The following LAMA5 variants were observed in gnomAD, a reference collection of about 807,000 sequenced individuals.
LAMA5 encodes laminin subunit alpha 5.
In LAMA5, 260 loss-of-function variants were observed where a neutral mutation model predicts 433.4. The ratio of observed to expected loss-of-function variants is 0.60; its 90% CI spans 0.54 to 0.66. LAMA5 has a LOEUF of 0.66. Ranked by LOEUF, LAMA5 falls within the 30% of genes least tolerant of loss-of-function variation. The pLI, the probability that LAMA5 is intolerant of heterozygous loss-of-function variation, is 0.00. For missense variants in LAMA5, 5,378 were observed against 5,258.5 expected, an observed-to-expected ratio of 1.02 and a Z score of -0.70; for synonymous variants, 2,620 against 2,226.6, an observed-to-expected ratio of 1.18 and a Z score of -4.97.
chr20:62,346,096 A>T lies in LAMA5; in HGVS notation c.1402T>A (p.Phe468Ile), dbSNP rs772967505. ...CDVCAEGFTG[F>I]PSCYPTPSSS... Reference sequence around the variant, plus strand: ...AGGTGCTCACGGTAGCAGCTTGGGAAGCCCGTGAAGCCCTCGGCACACACG... The same window carrying T: ...AGGTGCTCACGGTAGCAGCTTGGGATGCCCGTGAAGCCCTCGGCACACACG... The change falls in exon 10 of 80, where the codon TTC becomes ATC. Residue 468 changes from phenylalanine to isoleucine, a missense_variant. Phe to Ile is a conservative substitution (Grantham distance 21). Transcript: ENST00000252999. 6.2e-7 allele frequency: 1 copy of T among 1,613,010 alleles called. No homozygotes were observed. Among genetic ancestry groups the T allele is most frequent in the Admixed American group, 1.7e-5 (1 of 60,016 alleles).
At chr20:62,313,285 G>T in intron 64 of LAMA5, 35 bp from the exon 65 acceptor site, 1 of 1,537,164 alleles carries the variant, frequency 6.5e-7, no homozygotes, top group Non-Finnish European at 8.8e-7. Context: ...AGCGGAGGGT[G>T]GGGTGGGGTG....
chr20:62,321,664 GGGGGTGGGGTCAGTGGA>G (rs1234388851), intron 48 of LAMA5, among the ~76,000 whole-genome samples: 116 of 98,022 alleles, frequency 1.2e-3, no homozygotes, highest in African/African-American at 4.9e-3. Context: ...TGGGGCCAAT[GGGGGTGGGGTCAGTGGA>G]GGGGTGGGGT....
At position 62,333,631 on chromosome 20, in the gene LAMA5, A is replaced by T; in HGVS notation, c.2954T>A (p.Phe985Tyr). ...AGGGTTCAGCACAAAGGGCTCTCCG[A>T]AGCCCCTCTGGGGCACGGTGATGAA... is the stretch of plus-strand genomic sequence containing the variant. ...PAFITVPQRG[F>Y]GEPFVLNPGT... is the part of the protein sequence containing the mutation. Residue 985 changes from phenylalanine (F) to tyrosine (Y), a missense_variant, in exon 24 of 80, where the codon TTC becomes TAC. Physicochemically the swap from Phe to Tyr is conservative, Grantham distance 22 (BLOSUM62 3). Transcript: ENST00000252999. 3 of 1,585,616 alleles carry T rather than the reference A, an allele frequency of 1.9e-6. No individual in the cohort carries two copies. The highest frequency in any genetic ancestry group is 1.7e-6 in the Non-Finnish European group (2 of 1,167,090).
intron 32 of LAMA5, among the ~76,000 whole-genome samples, chr20:62,329,517 C>G (rs1186163573): frequency 1.3e-5 from 2 of 152,212 alleles, no homozygotes; most frequent in African/African-American, 4.8e-5. Context: ...CCACGCCTTC[C>G]TCTTCCCTCT....
chr20:62,362,693 G>C, intron 1 of LAMA5, 141 bp from the exon 2 acceptor site: 1 of 679,884 alleles, frequency 1.5e-6, no homozygotes, highest in Non-Finnish European at 2.2e-6. Flanking sequence ...TCATCCACTT[G>C]CTCAGCAAAC....
rs200649612 is a variant in LAMA5 at position 62,317,483 on chromosome 20, G to A, written c.7373C>T (p.Ala2458Val). The stretch of plus-strand genomic sequence containing the variant: ...GGTCCGAGCCCCATCCAGGCTGGCG[G>A]CGAGGCGCTCCAGCTCCTGGAATTT... ...DQAKEELERL[A>V]ASLDGARTPL... The change falls in exon 55 of 80, where the codon GCC becomes GTC. Residue 2458 changes from alanine (A) to valine (V), a missense_variant. Physicochemically the swap from Ala to Val is moderately conservative, Grantham distance 64 (BLOSUM62 0). Coordinates refer to ENST00000252999, the MANE Select transcript of LAMA5 (RefSeq NM_005560.6). The A allele has an allele frequency of 2.0e-4, 311 of 1,549,998 alleles. No individual in the cohort carries two copies. The highest frequency in any genetic ancestry group is 2.5e-4 in the Non-Finnish European group (285 of 1,145,324).
chr20:62,337,210 A>G (rs1043977130), intron 16 of LAMA5, among the ~76,000 whole-genome samples: 1 of 141,934 alleles, frequency 7.0e-6, no homozygotes, highest in African/African-American at 2.6e-5. Flanking sequence ...GCACCCACTT[A>G]TGCGACACGC....
At chr20:62,325,622 A>T in intron 40 of LAMA5, 76 bp from the exon 41 acceptor site, 2 of 935,236 alleles carry the variant, frequency 2.1e-6, no homozygotes, top group Non-Finnish European at 3.2e-6. Flanking sequence ...AGACCCCCCA[A>T]CCCTGTAGGG....
Position 62,336,786 on chromosome 20 carries a change from G to A in LAMA5, c.2165C>T (p.Ala722Val), listed in dbSNP as rs1310818722. 3 of 1,612,464 alleles carry A rather than the reference G, an allele frequency of 1.9e-6. No individual in the cohort carries two copies. Among genetic ancestry groups the A allele is most frequent in the East Asian group, 2.2e-5 (1 of 44,896 alleles). ...CAGACCGGCAGGGTGGCAAGAGCCA[G>A]CTGTGAAGAGAGGACCATGCCTCGG... ...PGAYNFPYCE[A>V]GSCHPAGLAP... The change falls in exon 17 of 80, where the codon GCT becomes GTT. Residue 722 changes from alanine to valine, a missense_variant and splice_region_variant. Coordinates refer to ENST00000252999, the MANE Select transcript of LAMA5 (RefSeq NM_005560.6).
At position 62,320,856 on chromosome 20, in the gene LAMA5, G is replaced by T. The variant is rs200144783; in HGVS notation, c.6531C>A (p.Asp2177Glu). 6.2e-7 allele frequency: 1 copy of T among 1,612,178 alleles called. No individual in the cohort carries two copies. The highest frequency in any genetic ancestry group is 2.2e-5 in the East Asian group (1 of 44,850). ...CDHCVVLLLD[D>E]LERAGALLPA... The stretch of plus-strand genomic sequence containing the variant: ...GGAGGAGGGCGCCGGCCCGTTCCAG[G>T]TCATCCAGGAGCAGGACCACACAGT... The change falls in exon 49 of 80, where the codon GAC (aspartate) becomes GAA (glutamate). Residue 2177 changes from aspartate to glutamate, a missense_variant. By Grantham distance (45) the Asp-to-Glu change is conservative. Coordinates refer to ENST00000252999, the MANE Select transcript of LAMA5 (RefSeq NM_005560.6).
Position 62,315,024 on chromosome 20 carries a change from G to C in LAMA5, c.8047+4C>G. 6.3e-7 allele frequency: 1 copy of C among 1,586,850 alleles called. No individual in the cohort carries two copies. Among genetic ancestry groups the C allele is most frequent in the South Asian group, 1.1e-5 (1 of 89,164 alleles). On this transcript the variant is annotated splice_donor_region_variant and intron_variant, in intron 59 of 79. Transcript: ENST00000252999. ...CAGGGGCACCGCGAGGGCCATGGGC[G>C]CACCTGAGTGGCCTGCGTCAAGCAC...
At position 62,334,004 on chromosome 20, in the gene LAMA5, A is replaced by T. The variant is rs13038331; in HGVS notation, c.2775T>A (p.Pro925=). 6.2e-7 allele frequency: 1 copy of T among 1,612,810 alleles called. No individual in the cohort carries two copies. Residue 925 remains proline, a synonymous_variant, in exon 23 of 80, where the codon CCT becomes CCA. Transcript: ENST00000252999. The stretch of plus-strand genomic sequence containing the variant: ...ATCGGAAGACGAGCCAGAAAAGGTC[A>T]GGGGAGGTCAGGTTCAGCCTGGCCA... ...RIVARLNLTS[P]DLFWLVFRYV...
chr20:62,354,672 C>T (rs1215388469), intron 2 of LAMA5, among the ~76,000 whole-genome samples: 2 of 152,116 alleles, frequency 1.3e-5, no homozygotes, highest in Non-Finnish European at 2.9e-5. Context: ...CCAAGCAGCA[C>T]CCCGCCTTCA....
At chr20:62,328,575 C>G in intron 34 of LAMA5, 130 bp from the exon 35 acceptor site, 3 of 1,009,684 alleles carry the variant, frequency 3.0e-6, no homozygotes, top group South Asian at 3.5e-5. Flanking sequence ...ACCCCTGCCC[C>G]GGGTGCTGAG....
At position 62,346,080 on chromosome 20, in the gene LAMA5, C is replaced by T. The variant is rs112620160; in HGVS notation, c.1417+1G>A. The T allele has an allele frequency of 3.1e-6, 5 of 1,612,934 alleles. No homozygotes were observed. Among genetic ancestry groups the T allele is most frequent in the Admixed American group, 3.3e-5 (2 of 60,008 alleles). On this transcript the variant is annotated splice_donor_variant, in intron 10 of 79. Coordinates refer to ENST00000252999, the MANE Select transcript of LAMA5 (RefSeq NM_005560.6). LOFTEE classifies it high-confidence loss of function. ...TTTGGATGCCCCTGGCAGGTGCTCA[C>T]GGTAGCAGCTTGGGAAGCCCGTGAA...
intron 2 of LAMA5, chr20:62,353,478 C>T (rs1378563451): frequency 2.0e-6 from 1 of 496,652 alleles, no homozygotes; most frequent in Non-Finnish European, 3.6e-6. Context: ...TGGAAGGGCT[C>T]CCCGCCTGGG....
intron 1 of LAMA5, among the ~76,000 whole-genome samples, chr20:62,365,633 C>T (rs574695590): frequency 2.6e-4 from 40 of 152,290 alleles, no homozygotes; most frequent in Non-Finnish European, 3.8e-4. Flanking sequence ...CAGTCACAGG[C>T]CCTCCGTCCT....
chr20:62,328,077 G>T, intron 35 of LAMA5, 67 bp from the exon 36 acceptor site: 2 of 1,594,574 alleles, frequency 1.3e-6, no homozygotes, highest in South Asian at 1.1e-5. Context: ...AGACCTCGTA[G>T]GCACCCCCCA....
intron 53 of LAMA5, 68 bp from the exon 54 acceptor site, chr20:62,317,846 G>C (rs1987132658): frequency 1.9e-6 from 1 of 537,892 alleles, no homozygotes; most frequent in African/African-American, 2.8e-5. Flanking sequence ...TGATGGGGTG[G>C]ACAGCAGGGC....
Sources: gnomAD v4.1 joint callset for allele counts (sites outside exome capture counted in the v4.1 genomes callset) on GRCh38, gnomAD v4.1.1 for gene constraint, MANE v1.5 for transcripts, NCBI Gene and HGNC (gene_info 2026-07-23, HGNC 2026-07-21) for gene names.